Variants in CXADR observed in about 807,000 individuals in gnomAD.
CXADR encodes CXADR cell adhesion molecule.
A neutral mutation model predicts 40.3 loss-of-function variants in CXADR; 20 were observed. The observed-to-expected ratio is 0.50, with a 90% CI of 0.35 to 0.72. CXADR has a LOEUF of 0.72. Among genes scored for constraint, CXADR ranks in the 30% least tolerant of loss-of-function variants. The pLI, the probability that CXADR is intolerant of heterozygous loss-of-function variation, is 0.01. For synonymous variants in CXADR, 150 were observed against 161.3 expected (o/e 0.93, Z 0.53); for missense variants, 332 against 449.1 (o/e 0.74, Z 2.36).
chr21:17,569,516 T>A lies in CXADR; in HGVS notation c.*3824T>A. On this transcript the variant is annotated 3_prime_UTR_variant, in exon 7 of 7. Transcript: ENST00000284878. ...ATAGGATTTCTTACTCATTTACCTA[T>A]TTTAACACTAAAATAGACCACAACT... The A allele has an allele frequency of 1.0e-6, 1 of 985,338 alleles. No individual in the cohort carries two copies. The highest frequency in any genetic ancestry group is 1.1e-4 in the East Asian group (1 of 8,816). 61.0% of individuals were successfully genotyped at this position (985,338 alleles called of 1,614,324 possible).
At chr21:17,522,921 T>C (rs1444307533) in intron 1 of CXADR, among the ~76,000 whole-genome samples, 3 of 152,332 alleles carry the variant, frequency 2.0e-5, no homozygotes, top group Non-Finnish European at 2.9e-5. Flanking sequence ...TTCTCTCTCA[T>C]ATTAATTGGC....
At chr21:17,618,509 T>C in the CXADR span, among the ~76,000 whole-genome samples, 1 of 152,184 alleles carries the variant, frequency 6.6e-6, no homozygotes, top group South Asian at 2.1e-4. Context: ...ATGGCAGCTA[T>C]AGCCTTATAA....
the CXADR span, among the ~76,000 whole-genome samples, chr21:17,608,354 C>CA: frequency 1.1e-4 from 16 of 148,564 alleles, no homozygotes; most frequent in African/African-American, 4.0e-4. Context: ...GACTGGGTGA[C>CA]AGAGCAAAAA....
rs1601026736 is a variant in CXADR, at chr21:17,563,255, C to G, written c.833+1779C>G. On this transcript the variant is annotated intron_variant, in intron 6 of 6. Transcript: ENST00000284878. ...TGAGCTAGGATCGCACCACTGCACC[C>G]TACCGTGGTTGACAGTCTCAAAATA... is the stretch of plus-strand genomic sequence containing the variant. 2.0e-5 allele frequency among the ~76,000 whole-genome samples: 3 copies of G among 152,218 alleles called. No individual in the cohort carries two copies. In the East Asian group the frequency reaches 5.8e-4, roughly 29 times the overall value.
At chr21:17,629,798 C>T in the CXADR span, among the ~76,000 whole-genome samples, 1 of 150,656 alleles carries the variant, frequency 6.6e-6, no homozygotes, top group Admixed American at 6.6e-5. Flanking sequence ...ATAGTGAGAC[C>T]CTGGCGCTAT....
chr21:17,633,150 C>A, the CXADR span: 1 of 152,194 alleles, frequency 6.6e-6, no homozygotes, highest in Non-Finnish European at 1.5e-5. Context: ...TTCCCCCAGG[C>A]ACAGGGAGAG....
rs776934253 is a variant in CXADR at position 17,547,165 on chromosome 21, C to T, written c.182C>T (p.Pro61Leu). The T allele has an allele frequency of 6.2e-7, 1 of 1,614,048 alleles. No individual in the cohort carries two copies. Among genetic ancestry groups the T allele is most frequent in the South Asian group, 1.1e-5 (1 of 91,092 alleles). ...CTGGACATCGAGTGGCTGATATCAC[C>T]AGCTGATAATCAGAAGGTGGATCAA... The part of the protein sequence containing the change: ...GPLDIEWLIS[P>L]ADNQKVDQVI... Residue 61 changes from proline to leucine, a missense_variant, in exon 2 of 7, where the codon CCA becomes CTA. This residue lies in a region of CXADR where 162 missense variants were observed against 198.5 expected (regional missense o/e 0.82). Coordinates refer to ENST00000284878, the MANE Select transcript of CXADR (RefSeq NM_001338.5).
chr21:17,624,077 T>A, the CXADR span, among the ~76,000 whole-genome samples: 1 of 152,002 alleles, frequency 6.6e-6, no homozygotes, highest in Admixed American at 6.6e-5. Context: ...CCCCATAGGC[T>A]CCCCATTTCA....
downstream of CXADR, among the ~76,000 whole-genome samples, chr21:17,597,155 T>A (rs1161327903): frequency 6.6e-6 from 1 of 152,090 alleles, no homozygotes; most frequent in Non-Finnish European, 1.5e-5. Flanking sequence ...TACCTTTCTG[T>A]TATCCTAATA....
intron 1 of CXADR, among the ~76,000 whole-genome samples, chr21:17,531,081 C>T (rs757716486): frequency 8.6e-5 from 13 of 152,010 alleles, no homozygotes; most frequent in Non-Finnish European, 1.3e-4. Flanking sequence ...GGGTGGATCA[C>T]GAGGTCAGGA....
intron 4 of CXADR, among the ~76,000 whole-genome samples, chr21:17,560,194 C>T (rs1256264228): frequency 1.3e-5 from 2 of 152,164 alleles, no homozygotes; most frequent in African/African-American, 2.4e-5. Context: ...TTAGTTCAAA[C>T]TGATGACCAG....
At position 17,533,934 on chromosome 21, in the gene CXADR, A is replaced by T. The variant is rs576141395; in HGVS notation, c.44-13093A>T. 1.7e-4 allele frequency among the ~76,000 whole-genome samples: 25 copies of T among 149,902 alleles called. No homozygotes were observed. In the South Asian group the frequency reaches 4.2e-3, roughly 25 times the overall value. On this transcript the variant is annotated intron_variant, in intron 1 of 6. Transcript: ENST00000284878. ...TCTATACTGAGTAACACTCGTGGGA[A>T]TTAAAGAACTAAAACTCCTAGACAA... is the stretch of plus-strand genomic sequence containing the variant.
At chr21:17,546,030 T>C (rs2060892892) in intron 1 of CXADR, among the ~76,000 whole-genome samples, 1 of 152,150 alleles carries the variant, frequency 6.6e-6, no homozygotes, top group African/African-American at 2.4e-5. Context: ...TCACCTACCT[T>C]GGCCTCCTGA....
chr21:17,551,542 A>G (rs1460901089), intron 2 of CXADR, among the ~76,000 whole-genome samples: 1 of 152,180 alleles, frequency 6.6e-6, no homozygotes, highest in Non-Finnish European at 1.5e-5. Context: ...GAAGTCTGGG[A>G]CTATACCCAA....
At chr21:17,632,496 T>C in the CXADR span, among the ~76,000 whole-genome samples, 1 of 152,178 alleles carries the variant, frequency 6.6e-6, no homozygotes, top group African/African-American at 2.4e-5. Flanking sequence ...TAGAACAGGC[T>C]GGTCAAGGTT....
chr21:17,562,706 C>T (rs1449732558), intron 6 of CXADR, among the ~76,000 whole-genome samples: 1 of 152,240 alleles, frequency 6.6e-6, no homozygotes. Context: ...TAGTTACCTT[C>T]ATCAACGATC....
intron 7 of CXADR, among the ~76,000 whole-genome samples, chr21:17,584,088 G>T (rs1212883968): frequency 6.6e-6 from 1 of 152,154 alleles, no homozygotes; most frequent in Non-Finnish European, 1.5e-5. Flanking sequence ...GGAAAGATTT[G>T]TGCTTACTCA....
Position 17,565,662 on chromosome 21 carries a change from A to C in CXADR, c.1068A>C (p.Pro356=), listed in dbSNP as rs3175822. ...SRMGAIPVMI[P]AQSKDGSIV ...TGGGTGCGATTCCTGTGATGATTCCAGCACAGAGCAAGGATGGGTCTATAG... is the reference window on the plus strand; with the variant it reads ...TGGGTGCGATTCCTGTGATGATTCCCGCACAGAGCAAGGATGGGTCTATAG... Residue 356 remains proline (P), a synonymous_variant, in exon 7 of 7, where the codon CCA becomes CCC. Coordinates refer to ENST00000284878, the MANE Select transcript of CXADR (RefSeq NM_001338.5). 3 of 1,612,008 alleles carry C rather than the reference A, an allele frequency of 1.9e-6. No homozygotes were observed. The East Asian group carries it at 6.7e-5, about 36-fold the overall frequency.
At chr21:17,531,583 C>T (rs1030881724) in intron 1 of CXADR, among the ~76,000 whole-genome samples, 7 of 152,276 alleles carry the variant, frequency 4.6e-5, no homozygotes, top group South Asian at 4.2e-4. Flanking sequence ...CGCCATTCCT[C>T]CTCACAGGTG....
Sources: allele counts gnomAD v4.1 joint callset (sites outside exome capture counted in the v4.1 genomes callset), GRCh38; gene constraint gnomAD v4.1.1; regional missense constraint gnomAD v4.1.1; transcripts MANE v1.5; gene names NCBI Gene and HGNC (gene_info 2026-07-23, HGNC 2026-07-21).